The following CEP128 variants were observed in gnomAD, a reference collection of about 807,000 sequenced individuals.
The protein encoded by CEP128 is centrosomal protein 128, also known as centrosomal protein 128kDa.
Under a neutral mutation model 156.7 loss-of-function variants are expected in CEP128, and 132 were observed. The observed-to-expected ratio is 0.84, with a 90% CI of 0.73 to 0.97. CEP128 has a LOEUF of 0.97. Among genes scored for constraint, CEP128 ranks in the 50% least tolerant of loss-of-function variants. CEP128 has a pLI of 0.00. For synonymous variants in CEP128, 469 were observed against 448.9 expected, an observed-to-expected ratio of 1.04 and a Z score of -0.57; for missense variants, 1,252 against 1,281.9, an observed-to-expected ratio of 0.98 and a Z score of 0.36.
chr14:80,722,301 A>G (rs1897847222), intron 19 of CEP128, among the ~76,000 whole-genome samples: 2 of 152,194 alleles, frequency 1.3e-5, no homozygotes. Context: ...ACTGTAGAAC[A>G]CAACACAAAT....
At chr14:80,839,728 T>A (rs1282595633) in intron 10 of CEP128, among the ~76,000 whole-genome samples, 1 of 151,980 alleles carries the variant, frequency 6.6e-6, no homozygotes, top group Non-Finnish European at 1.5e-5. Context: ...TATCTTTAAA[T>A]CCCAATATAT....
At chr14:80,747,738 C>T (rs975929977) in intron 18 of CEP128, among the ~76,000 whole-genome samples, 5 of 152,132 alleles carry the variant, frequency 3.3e-5, no homozygotes, top group African/African-American at 1.2e-4. Flanking sequence ...ACCCAGGAGG[C>T]AGAGGTTGCA....
At chr14:80,619,367 G>GACAC (rs34190837) in intron 19 of CEP128, among the ~76,000 whole-genome samples, 33,836 of 139,228 alleles carry the variant, frequency 0.24, 3,997 homozygotes, top group South Asian at 0.28. Context: ...AAGACACACA[G>GACAC]ACACACACAC....
chr14:80,504,602 T>C (rs1887884324), intron 24 of CEP128, among the ~76,000 whole-genome samples: 1 of 152,258 alleles, frequency 6.6e-6, no homozygotes, highest in African/African-American at 2.4e-5. Context: ...TATTATAAAA[T>C]AACTTTCTTT....
chr14:80,856,528 C>T (rs1225556580), intron 9 of CEP128, among the ~76,000 whole-genome samples: 1 of 151,768 alleles, frequency 6.6e-6, no homozygotes, highest in Non-Finnish European at 1.5e-5. Flanking sequence ...CCTGTAGTTG[C>T]AGCTGCTTGG....
At chr14:80,728,016 G>C (rs1308936279) in intron 19 of CEP128, among the ~76,000 whole-genome samples, 1 of 151,982 alleles carries the variant, frequency 6.6e-6, no homozygotes, top group Non-Finnish European at 1.5e-5. Context: ...ATACCCAAAG[G>C]AATATAAATT....
intron 19 of CEP128, among the ~76,000 whole-genome samples, chr14:80,604,769 TTG>T (rs1199798031): frequency 6.6e-6 from 1 of 152,120 alleles, no homozygotes; most frequent in Non-Finnish European, 1.5e-5. Flanking sequence ...TTCAAACTCT[TTG>T]GTAAGTACCA....
At chr14:80,594,087 T>C (rs1436265691) in intron 19 of CEP128, among the ~76,000 whole-genome samples, 2 of 152,010 alleles carry the variant, frequency 1.3e-5, no homozygotes. Context: ...CAAGGCTACA[T>C]TAACCAAAAC....
chr14:80,531,028 T>C (rs1889201418), intron 21 of CEP128, 142 bp from the exon 22 acceptor site: 2 of 393,936 alleles, frequency 5.1e-6, no homozygotes, highest in Non-Finnish European at 4.6e-6. Flanking sequence ...ACATATATAA[T>C]AGTATTTTCA....
chr14:80,846,864 T>C (rs541064240), intron 9 of CEP128, among the ~76,000 whole-genome samples: 1 of 152,336 alleles, frequency 6.6e-6, no homozygotes, highest in Non-Finnish European at 1.5e-5. Flanking sequence ...TTCTGTGATG[T>C]AGAATACATT....
At chr14:80,719,672 T>A (rs1269800875) in intron 19 of CEP128, among the ~76,000 whole-genome samples, 1 of 152,126 alleles carries the variant, frequency 6.6e-6, no homozygotes, top group African/African-American at 2.4e-5. Flanking sequence ...AGAGGGGACA[T>A]AGGACTAAAA....
intron 1 of CEP128, among the ~76,000 whole-genome samples, chr14:80,940,672 C>CCCT: frequency 6.7e-6 from 1 of 149,094 alleles, no homozygotes; most frequent in South Asian, 2.1e-4. Flanking sequence ...GAGCCAGACT[C>CCCT]CTCAAAAAAA....
intron 7 of CEP128, among the ~76,000 whole-genome samples, chr14:80,897,725 C>T (rs975416904): frequency 6.6e-6 from 1 of 152,134 alleles, no homozygotes; most frequent in African/African-American, 2.4e-5. Flanking sequence ...CTGGGTCAGG[C>T]CATCATCAAC....
chr14:80,652,960 C>G (rs761185913), intron 19 of CEP128, among the ~76,000 whole-genome samples: 2 of 152,110 alleles, frequency 1.3e-5, no homozygotes, highest in South Asian at 4.1e-4. Flanking sequence ...TAATGATAGA[C>G]TGGATTAGCA....
chr14:80,499,773 G>C lies in CEP128; in HGVS notation c.3182-2191C>G, dbSNP rs528234923. Among the ~76,000 whole-genome samples, 37 of 152,300 alleles carry C rather than the reference G, an allele frequency of 2.4e-4. 2 individuals are homozygous for C. The South Asian group carries it at 7.7e-3, about 32-fold the overall frequency. On this transcript the variant is annotated intron_variant, in intron 24 of 24. Transcript: ENST00000555265. ...TGTGATGGCTGTATCCTGGAGTTGT[G>C]TTCCTTTAGTCTAAAAGGAGCTATA...
intron 19 of CEP128, among the ~76,000 whole-genome samples, chr14:80,642,073 G>A (rs1156502755): frequency 3.7e-5 from 3 of 82,080 alleles, no homozygotes; most frequent in African/African-American, 4.2e-5. Context: ...CTGGGCGACA[G>A]AGTGAGACTC....
intron 1 of CEP128, among the ~76,000 whole-genome samples, chr14:80,941,094 G>A (rs1331452499): frequency 6.6e-6 from 1 of 152,186 alleles, no homozygotes; most frequent in African/African-American, 2.4e-5. Context: ...TAAGGCTGGA[G>A]CAAATCCTAT....
At chr14:80,664,152 T>C (rs1266011250) in intron 19 of CEP128, among the ~76,000 whole-genome samples, 1 of 152,094 alleles carries the variant, frequency 6.6e-6, no homozygotes, top group Non-Finnish European at 1.5e-5. Flanking sequence ...TTATGGACAA[T>C]AATCTAGGTA....
chr14:80,577,223 CTTCCCCTGGGAAT>C (rs1329217565), intron 20 of CEP128, among the ~76,000 whole-genome samples: 1 of 152,074 alleles, frequency 6.6e-6, no homozygotes, highest in Non-Finnish European at 1.5e-5. Context: ...ATTCTAAATA[CTTCCCCTGGGAAT>C]TCACATTCGC....
Sources: gnomAD v4.1 joint callset for allele counts (sites outside exome capture counted in the v4.1 genomes callset) on GRCh38, gnomAD v4.1.1 for gene constraint, MANE v1.5 for transcripts, NCBI Gene and HGNC (gene_info 2026-07-23, HGNC 2026-07-21) for gene names.